The following PTPRJ variants were observed in gnomAD, a reference collection of about 807,000 sequenced individuals.
PTPRJ encodes receptor-type tyrosine-protein phosphatase eta.
A neutral mutation model predicts 141.3 loss-of-function variants in PTPRJ; 129 were observed. The ratio of observed to expected loss-of-function variants is 0.91; its 90% CI spans 0.79 to 1.06. PTPRJ has a LOEUF of 1.06. Among genes scored for constraint, PTPRJ ranks in the 50% least tolerant of loss-of-function variants. PTPRJ has a pLI of 0.00. For missense variants in PTPRJ, 1,601 were observed against 1,679.7 expected (o/e 0.95, Z 0.82); for synonymous variants, 610 against 640.5 (o/e 0.95, Z 0.72).
chr11:48,167,063 CAT>C (rs1040316480), intron 24 of PTPRJ, 139 bp from the exon 25 acceptor site: 6 of 698,170 alleles, frequency 8.6e-6, no homozygotes, highest in African/African-American at 1.8e-5. Context: ...CCTCTTGAAA[CAT>C]GTTCGCTTGA....
intron 1 of PTPRJ, among the ~76,000 whole-genome samples, chr11:48,107,993 AGGAT>A (rs899574408): frequency 2.0e-5 from 3 of 152,210 alleles, no homozygotes; most frequent in Non-Finnish European, 4.4e-5. Context: ...CTTAGGTGAG[AGGAT>A]CGCTTGAGCA....
intron 1 of PTPRJ, among the ~76,000 whole-genome samples, chr11:48,043,633 C>G (rs890531184): frequency 6.6e-6 from 1 of 151,886 alleles, no homozygotes; most frequent in Non-Finnish European, 1.5e-5. Context: ...TTCTTTTTTT[C>G]CTTTTGTTCC....
At chr11:48,139,854 T>A in intron 11 of PTPRJ, 78 bp downstream of exon 11, 50 of 1,425,690 alleles carry the variant, frequency 3.5e-5, no homozygotes, top group Non-Finnish European at 4.5e-5. Context: ...GGTCTGCACG[T>A]GTGGACTAGA....
intron 8 of PTPRJ, chr11:48,131,598 C>T: frequency 1.3e-6 from 1 of 753,316 alleles, no homozygotes. Flanking sequence ...GGCTCATTGT[C>T]TGTTTTTGTA....
intron 1 of PTPRJ, among the ~76,000 whole-genome samples, chr11:48,098,940 C>A (rs141623755): frequency 8.8e-4 from 134 of 152,312 alleles, no homozygotes; most frequent in African/African-American, 2.7e-3. Context: ...TGATTGAAAT[C>A]TAGAAACAAT....
chr11:48,043,885 G>A (rs545035634), intron 1 of PTPRJ, among the ~76,000 whole-genome samples: 9 of 152,300 alleles, frequency 5.9e-5, no homozygotes, highest in East Asian at 1.9e-4. Flanking sequence ...AGCAGCCAGC[G>A]ACTCTCTATC....
intron 6 of PTPRJ, 140 bp downstream of exon 6, chr11:48,125,326 C>A: frequency 2.4e-6 from 2 of 838,216 alleles, no homozygotes; most frequent in Non-Finnish European, 3.8e-6. Context: ...AGATTTTGGA[C>A]AGAGCAGATC....
intron 2 of PTPRJ, 137 bp from the exon 3 acceptor site, chr11:48,112,610 G>C: frequency 1.5e-6 from 1 of 685,370 alleles, no homozygotes; most frequent in Non-Finnish European, 2.5e-6. Context: ...TGTAGGTGAT[G>C]ATACAAAGAA....
chr11:48,122,530 G>A (rs1386974587), intron 4 of PTPRJ, among the ~76,000 whole-genome samples: 1 of 152,236 alleles, frequency 6.6e-6, no homozygotes, highest in Non-Finnish European at 1.5e-5. Context: ...TGCAGCAGAA[G>A]ACACTGTAAT....
At chr11:48,061,022 C>T (rs142481540) in intron 1 of PTPRJ, among the ~76,000 whole-genome samples, 10 of 152,152 alleles carry the variant, frequency 6.6e-5, no homozygotes, top group Non-Finnish European at 8.8e-5. Context: ...TTTTTGGAGA[C>T]GGAGTTTTGC....
chr11:48,057,070 G>A (rs774168861), intron 1 of PTPRJ, among the ~76,000 whole-genome samples: 2 of 152,164 alleles, frequency 1.3e-5, no homozygotes, highest in African/African-American at 4.8e-5. Context: ...TGGGTGGCAC[G>A]CTTGCATGCC....
chr11:48,090,251 C>T (rs1242389765), intron 1 of PTPRJ, among the ~76,000 whole-genome samples: 3 of 152,192 alleles, frequency 2.0e-5, no homozygotes, highest in Admixed American at 6.5e-5. Context: ...CAGCCCCAGG[C>T]GCCCTGCATC....
intron 1 of PTPRJ, among the ~76,000 whole-genome samples, chr11:48,046,912 A>ATATATAT (rs1446781886): frequency 4.0e-5 from 3 of 74,168 alleles, no homozygotes; most frequent in African/African-American, 7.3e-5. Flanking sequence ...ATATATATAT[A>ATATATAT]TTTTTTTTTT....
intron 1 of PTPRJ, among the ~76,000 whole-genome samples, chr11:48,011,296 G>A (rs780273938): frequency 5.5e-4 from 83 of 152,244 alleles, no homozygotes; most frequent in Non-Finnish European, 2.4e-4. Flanking sequence ...TGTGCACAAG[G>A]CCTCTTGTGT....
At chr11:48,050,316 A>G (rs1590440241) in intron 1 of PTPRJ, among the ~76,000 whole-genome samples, 3 of 152,160 alleles carry the variant, frequency 2.0e-5, no homozygotes, top group African/African-American at 7.2e-5. Flanking sequence ...GAGATATCCC[A>G]TATACCCCTG....
intron 1 of PTPRJ, among the ~76,000 whole-genome samples, chr11:48,082,134 T>C (rs1855574538): frequency 6.6e-6 from 1 of 152,226 alleles, no homozygotes; most frequent in African/African-American, 2.4e-5. Flanking sequence ...TTTTGTCTTC[T>C]TCACAGGTTT....
chr11:48,134,866 C>T (rs1417751165), intron 8 of PTPRJ, among the ~76,000 whole-genome samples: 1 of 152,164 alleles, frequency 6.6e-6, no homozygotes, highest in Non-Finnish European at 1.5e-5. Flanking sequence ...CAGGGTGTGC[C>T]TGTTTTCTTC....
rs538725440 is a variant in PTPRJ, at chr11:48,010,829, C to T, written c.96+29821C>T. On this transcript the variant is annotated intron_variant, in intron 1 of 24. Transcript: ENST00000418331. ...GGAAATATAGGTGTGAGCCACCATG[C>T]CTGGCCTATTATTATTATTATTATT... Among the ~76,000 whole-genome samples the T allele has an allele frequency of 2.2e-4, 33 of 152,116 alleles. No homozygotes were observed. The South Asian group carries it at 3.1e-3, about 14-fold the overall frequency.
chr11:48,145,846 A>G (rs1017784947), intron 14 of PTPRJ, among the ~76,000 whole-genome samples: 1 of 151,970 alleles, frequency 6.6e-6, no homozygotes, highest in African/African-American at 2.4e-5. Context: ...GGCGTGAGCC[A>G]CCATGTCCAG....
Sources: gnomAD v4.1 joint callset for allele counts (sites outside exome capture counted in the v4.1 genomes callset) on GRCh38, gnomAD v4.1.1 for gene constraint, MANE v1.5 for transcripts, NCBI Gene and HGNC (gene_info 2026-07-23, HGNC 2026-07-21) for gene names.